RXFP1: variants seen among roughly 807,000 people sequenced by gnomAD.
RXFP1 encodes relaxin receptor 1.
Under a neutral mutation model 89.8 loss-of-function variants are expected in RXFP1, and 73 were observed. The ratio of observed to expected loss-of-function variants is 0.81; its 90% CI spans 0.67 to 0.99. The LOEUF (loss-of-function observed/expected upper bound fraction) is 0.99, where lower values mean the gene tolerates loss of function less well. RXFP1 is among the 50% of genes least tolerant of loss of function. RXFP1 has a pLI of 0.00. For missense variants in RXFP1, 793 were observed against 895.5 expected (o/e 0.89, Z 1.46); for synonymous variants, 277 against 305.5 (o/e 0.91, Z 0.97).
intron 1 of RXFP1, among the ~76,000 whole-genome samples, chr4:158,542,222 A>G (rs571707456): frequency 6.6e-6 from 1 of 150,816 alleles, no homozygotes; most frequent in East Asian, 2.0e-4. Flanking sequence ...ACAGGCATGA[A>G]TCACTGCGCC....
chr4:158,555,425 C>A (rs1323027256), intron 1 of RXFP1, among the ~76,000 whole-genome samples: 1 of 152,134 alleles, frequency 6.6e-6, no homozygotes, highest in Non-Finnish European at 1.5e-5. Context: ...GAAAAGGGTG[C>A]AATTTACTCA....
At chr4:158,645,195 T>C (rs1771274666) in intron 15 of RXFP1, 57 bp downstream of exon 15, 1 of 1,328,068 alleles carries the variant, frequency 7.5e-7, no homozygotes, top group African/African-American at 1.5e-5. Flanking sequence ...AAAGCTTTAT[T>C]ATTAGAAAAT....
At chr4:158,554,368 T>C (rs2149904209) in intron 1 of RXFP1, among the ~76,000 whole-genome samples, 1 of 152,326 alleles carries the variant, frequency 6.6e-6, no homozygotes, top group Middle Eastern at 3.4e-3. Context: ...ATCCCCACTT[T>C]CTTCTGCCAT....
chr4:158,652,295 ACATT>A lies in RXFP1; in HGVS notation c.*249_*252del, dbSNP rs1323577341. On this transcript the variant is annotated 3_prime_UTR_variant, in exon 18 of 18. Transcript: ENST00000307765. ...AAATTAAGAGAAATCTACTTCAGTA[ACATT>A]CATTCATTTTTCTAACATGCATTTA... The A allele has an allele frequency of 1.2e-5, 5 of 411,894 alleles. No individual in the cohort carries two copies. Among genetic ancestry groups the A allele is most frequent in the Non-Finnish European group, 2.1e-5 (5 of 233,014 alleles). 25.5% of individuals were successfully genotyped at this position (411,894 alleles called of 1,614,324 possible).
At chr4:158,609,329 G>A (rs1268680648) in intron 6 of RXFP1, among the ~76,000 whole-genome samples, 1 of 151,954 alleles carries the variant, frequency 6.6e-6, no homozygotes, top group Non-Finnish European at 1.5e-5. Flanking sequence ...CCTCACCAAC[G>A]TTTGTGTTCT....
chr4:158,641,630 A>T lies in RXFP1; in HGVS notation c.1115+2299A>T, dbSNP rs1770396348. On this transcript the variant is annotated intron_variant, in intron 14 of 17. Transcript: ENST00000307765. ...CCGAATGGGGAAATATCAGCAATTGACCTTGAGCTTGACAGGACAAATTGT... is the reference window on the plus strand; with the variant it reads ...CCGAATGGGGAAATATCAGCAATTGTCCTTGAGCTTGACAGGACAAATTGT... Among the ~76,000 whole-genome samples the T allele has an allele frequency of 3.9e-5, 6 of 152,216 alleles. No individual in the cohort carries two copies. The South Asian group carries it at 1.2e-3, about 31-fold the overall frequency.
chr4:158,600,969 A>G (rs1340208234), intron 4 of RXFP1, among the ~76,000 whole-genome samples: 2 of 152,144 alleles, frequency 1.3e-5, no homozygotes, highest in African/African-American at 4.8e-5. Context: ...TTTTCCCACG[A>G]GTAAGATTTG....
chr4:158,579,037 C>T (rs535169105), intron 2 of RXFP1, among the ~76,000 whole-genome samples: 1 of 147,804 alleles, frequency 6.8e-6, no homozygotes, highest in Non-Finnish European at 1.5e-5. Flanking sequence ...ACAGTGTCCT[C>T]GCAAGAGACA....
At chr4:158,613,164 A>G (rs1248376979) in intron 8 of RXFP1, among the ~76,000 whole-genome samples, 2 of 152,220 alleles carry the variant, frequency 1.3e-5, no homozygotes, top group Non-Finnish European at 1.5e-5. Context: ...AGAGCTAACA[A>G]TCATCTGAGT....
chr4:158,599,530 C>A (rs2150090158), intron 4 of RXFP1, 99 bp downstream of exon 4: 1 of 971,918 alleles, frequency 1.0e-6, no homozygotes, highest in Non-Finnish European at 1.5e-6. Context: ...TATTTTTATT[C>A]AAAGATGATG....
intron 1 of RXFP1, among the ~76,000 whole-genome samples, chr4:158,527,592 G>A (rs1168654458): frequency 3.7e-5 from 3 of 80,058 alleles, no homozygotes; most frequent in Admixed American, 1.3e-4. Flanking sequence ...TATATATACT[G>A]TTGCCTCCTA....
At chr4:158,637,248 G>A (rs1025275168) in intron 12 of RXFP1, among the ~76,000 whole-genome samples, 2 of 151,964 alleles carry the variant, frequency 1.3e-5, no homozygotes, top group Non-Finnish European at 2.9e-5. Flanking sequence ...TATTTCCTTT[G>A]GATATATATC....
intron 2 of RXFP1, among the ~76,000 whole-genome samples, chr4:158,583,256 A>G (rs1412571106): frequency 1.3e-5 from 2 of 152,236 alleles, no homozygotes; most frequent in African/African-American, 2.4e-5. Flanking sequence ...AAAATTTTCA[A>G]TTGGTCCTGT....
At chr4:158,573,092 T>C in intron 2 of RXFP1, 1 of 297,456 alleles carries the variant, frequency 3.4e-6, no homozygotes, top group Non-Finnish European at 6.2e-6. Context: ...CACTGCAACC[T>C]CTGCCTCCTG....
intron 1 of RXFP1, among the ~76,000 whole-genome samples, chr4:158,569,220 T>C (rs1378002007): frequency 6.6e-6 from 1 of 152,244 alleles, no homozygotes; most frequent in East Asian, 1.9e-4. Flanking sequence ...TTGAAAAGGC[T>C]ACCTACTGCA....
chr4:158,542,685 A>T (rs537799288), intron 1 of RXFP1, among the ~76,000 whole-genome samples: 2 of 152,326 alleles, frequency 1.3e-5, no homozygotes, highest in East Asian at 3.9e-4. Flanking sequence ...TTCGAAAGCC[A>T]TAACCCTAAA....
At chr4:158,556,561 G>GTATATATTCAAAGGAAATA (rs1316506387) in intron 1 of RXFP1, among the ~76,000 whole-genome samples, 1 of 152,060 alleles carries the variant, frequency 6.6e-6, no homozygotes, top group Non-Finnish European at 1.5e-5. Flanking sequence ...CTACTCCTGG[G>GTATATATTCAAAGGAAATA]TATATATTCA....
At chr4:158,569,248 C>T (rs192536600) in intron 1 of RXFP1, among the ~76,000 whole-genome samples, 2 of 152,298 alleles carry the variant, frequency 1.3e-5, no homozygotes, top group Non-Finnish European at 2.9e-5. Flanking sequence ...AATGACATAA[C>T]ATTCTGGAAA....
intron 10 of RXFP1, among the ~76,000 whole-genome samples, chr4:158,628,278 C>T (rs576895404): frequency 4.4e-4 from 67 of 152,196 alleles, no homozygotes; most frequent in African/African-American, 1.6e-3. Flanking sequence ...GGTGGGTGGG[C>T]TATTTTGTTA....
Sources: allele counts gnomAD v4.1 joint callset (sites outside exome capture counted in the v4.1 genomes callset), GRCh38; gene constraint gnomAD v4.1.1; transcripts MANE v1.5; gene names NCBI Gene and HGNC (gene_info 2026-07-23, HGNC 2026-07-21).